AXIN1: variants seen among roughly 807,000 people sequenced by gnomAD.
AXIN1 encodes axin 1.
Under a neutral mutation model 76.4 loss-of-function variants are expected in AXIN1, and 30 were observed. The observed-to-expected ratio is 0.39, with a 90% CI of 0.29 to 0.53. The LOEUF (loss-of-function observed/expected upper bound fraction) is 0.53. AXIN1 is among the 20% of genes least tolerant of loss of function. AXIN1 has a pLI of 0.66. For synonymous variants in AXIN1, 545 were observed against 501.4 expected (o/e 1.09, Z -1.16); for missense variants, 1,140 against 1,198.8 (o/e 0.95, Z 0.72).
At chr16:340,656 A>C (rs2053898317) in intron 2 of AXIN1, among the ~76,000 whole-genome samples, 1 of 152,238 alleles carries the variant, frequency 6.6e-6, no homozygotes, top group Non-Finnish European at 1.5e-5. Flanking sequence ...TTCCACTGAC[A>C]ATGGGAACAA....
intron 3 of AXIN1, among the ~76,000 whole-genome samples, chr16:312,631 G>A (rs2053208442): frequency 6.6e-6 from 1 of 152,208 alleles, no homozygotes; most frequent in Admixed American, 6.5e-5. Context: ...GTCAGGTGCT[G>A]CTAAAATCAC....
chr16:298,281 C>G, intron 5 of AXIN1, 30 bp from the exon 6 acceptor site: 1 of 1,537,230 alleles, frequency 6.5e-7, no homozygotes, highest in Admixed American at 2.0e-5. Context: ...ACCATCACCT[C>G]TCAGCACCAG....
intron 4 of AXIN1, among the ~76,000 whole-genome samples, chr16:308,186 C>T (rs2053078885): frequency 6.6e-6 from 1 of 152,226 alleles, no homozygotes; most frequent in Non-Finnish European, 1.5e-5. Context: ...TTCCTGGCGA[C>T]TCAAATGTGA....
intron 4 of AXIN1, among the ~76,000 whole-genome samples, chr16:306,634 C>A (rs1264939998): frequency 1.3e-5 from 2 of 152,224 alleles, no homozygotes; most frequent in Non-Finnish European, 2.9e-5. Context: ...CTCCTCCAGG[C>A]TCAGATGTTC....
chr16:293,758 C>G lies in AXIN1; in HGVS notation c.1956-40G>C. The G allele has an allele frequency of 6.3e-7, 1 of 1,592,222 alleles. No homozygotes were observed. The highest frequency in any genetic ancestry group is 8.6e-7 in the Non-Finnish European group (1 of 1,163,460). On this transcript the variant is annotated intron_variant, in intron 7 of 10. Transcript: ENST00000262320. The surrounding 1 kb of genome is among the most constrained non-coding windows in gnomAD (Gnocchi z 4.6). ...GAACAAGTTGTGACTGTGGCCGACA[C>G]CCTGGCCAGGTGGCCTGGTGGGGCT... is the stretch of plus-strand genomic sequence containing the variant.
chr16:299,086 G>A (rs1454651170), intron 5 of AXIN1: 3 of 985,302 alleles, frequency 3.0e-6, no homozygotes, highest in Admixed American at 6.2e-5. Flanking sequence ...ATTTTAAGGA[G>A]AACCTTGTAC....
At position 311,837 on chromosome 16, in the gene AXIN1, C is replaced by T. The variant is rs192938692; in HGVS notation, c.1020-1768G>A. Reference sequence around the variant, plus strand: ...GCACGGCAGCTCCAGGGATCCGTGCCGCACCCAGGGGCCTCTCAGAGCTGC... The same window carrying T: ...GCACGGCAGCTCCAGGGATCCGTGCTGCACCCAGGGGCCTCTCAGAGCTGC... On this transcript the variant is annotated intron_variant, in intron 3 of 10. Transcript: ENST00000262320. Among the ~76,000 whole-genome samples, 348 of 152,278 alleles carry T rather than the reference C, an allele frequency of 2.3e-3. 3 individuals are homozygous for T. The highest frequency in any genetic ancestry group is 0.015 in the Admixed American group (236 of 15,288).
At chr16:298,282 T>G (rs1421853304) in intron 5 of AXIN1, 31 bp from the exon 6 acceptor site, 4 of 1,536,964 alleles carry the variant, frequency 2.6e-6, no homozygotes, top group Non-Finnish European at 3.5e-6. Flanking sequence ...CCATCACCTC[T>G]CAGCACCAGC....
chr16:288,745 G>C (rs1294744002), intron 10 of AXIN1, among the ~76,000 whole-genome samples: 1 of 152,256 alleles, frequency 6.6e-6, no homozygotes, highest in Non-Finnish European at 1.5e-5. Context: ...CTCCAAGGCT[G>C]GCTGCACGCA....
At chr16:310,170 G>C (rs937110441) in intron 3 of AXIN1, 101 bp from the exon 4 acceptor site, 2 of 1,049,790 alleles carry the variant, frequency 1.9e-6, no homozygotes, top group African/African-American at 1.6e-5. Flanking sequence ...AGCAGGCAAT[G>C]ATGAGGACAC....
At chr16:321,290 C>T (rs2053452387) in intron 2 of AXIN1, among the ~76,000 whole-genome samples, 1 of 151,390 alleles carries the variant, frequency 6.6e-6, no homozygotes, top group African/African-American at 2.4e-5. Flanking sequence ...GGAGCCGCCA[C>T]CCTCCCTGGT....
chr16:309,850 T>C, intron 4 of AXIN1, 123 bp downstream of exon 4: 2 of 919,630 alleles, frequency 2.2e-6, no homozygotes, highest in Non-Finnish European at 3.5e-6. Context: ...GATCACACGC[T>C]TACGCCTAGA....
intron 2 of AXIN1, among the ~76,000 whole-genome samples, chr16:321,259 C>CCA (rs2053451274): frequency 6.6e-6 from 1 of 150,758 alleles, no homozygotes; most frequent in Non-Finnish European, 1.5e-5. Context: ...TAGTAAGGCA[C>CCA]CACATTTCCA....
At position 310,058 on chromosome 16, in the gene AXIN1, G is replaced by T; in HGVS notation, c.1031C>A (p.Pro344His). The T allele has an allele frequency of 6.2e-7, 1 of 1,611,346 alleles. No homozygotes were observed. Among genetic ancestry groups the T allele is most frequent in the Non-Finnish European group, 8.5e-7 (1 of 1,179,104 alleles). The change falls in exon 4 of 11, where the codon CCC (proline) becomes CAC (histidine). Residue 344 changes from proline to histidine, a missense_variant. Coordinates refer to ENST00000262320, the MANE Select transcript of AXIN1 (RefSeq NM_003502.4). ...GTGCTGCTTACGGATCCTGTATGGG[G>T]GGATCCCATCCCTGTCCAGGAGAAA... ...SLTDSSVDGI[P>H]PYRIRKQHRR...
chr16:335,278 C>A (rs1371891831), intron 2 of AXIN1, among the ~76,000 whole-genome samples: 4 of 152,154 alleles, frequency 2.6e-5, no homozygotes, highest in African/African-American at 7.2e-5. Flanking sequence ...CACGCCAGTG[C>A]CTCTACTTAC....
At chr16:316,613 G>A (rs1026506021) in intron 2 of AXIN1, among the ~76,000 whole-genome samples, 10 of 152,212 alleles carry the variant, frequency 6.6e-5, no homozygotes, top group African/African-American at 1.7e-4. Flanking sequence ...GTAAGACTGC[G>A]AGAGAAAGAG....
intron 3 of AXIN1, 52 bp from the exon 4 acceptor site, chr16:310,121 G>T (rs1203715196): frequency 1.3e-6 from 2 of 1,532,722 alleles, no homozygotes; most frequent in South Asian, 2.4e-5. Context: ...AGGAGGGCCA[G>T]CACCGTGCCA....
At chr16:305,333 G>C (rs1186816654) in intron 4 of AXIN1, among the ~76,000 whole-genome samples, 2 of 152,214 alleles carry the variant, frequency 1.3e-5, no homozygotes, top group East Asian at 3.9e-4. Context: ...AATTAGCCGG[G>C]TGTGGTGGCA....
At chr16:340,180 C>T (rs2053889240) in intron 2 of AXIN1, among the ~76,000 whole-genome samples, 1 of 152,154 alleles carries the variant, frequency 6.6e-6, no homozygotes, top group African/African-American at 2.4e-5. Context: ...GCTGGCTGCC[C>T]ACCTCGAAAG....
Sources: allele counts gnomAD v4.1 joint callset (sites outside exome capture counted in the v4.1 genomes callset), GRCh38; gene constraint gnomAD v4.1.1; non-coding constraint Gnocchi (gnomAD v3.1); transcripts MANE v1.5; gene names NCBI Gene and HGNC (gene_info 2026-07-23, HGNC 2026-07-21).